TAFA1: variants seen among roughly 807,000 people sequenced by gnomAD.
TAFA1 encodes chemokine-like protein TAFA-1.
In TAFA1, 4 loss-of-function variants were observed where a neutral mutation model predicts 18.5. The observed-to-expected ratio is 0.22, with a 90% CI of 0.11 to 0.49. The LOEUF is 0.49. Among genes scored for constraint, TAFA1 ranks in the 20% least tolerant of loss-of-function variants. The pLI, the probability that TAFA1 is intolerant of heterozygous loss-of-function variation, is 0.98. For synonymous variants in TAFA1, 56 were observed against 55.2 expected, an observed-to-expected ratio of 1.01 and a Z score of -0.06; for missense variants, 147 against 169.0, an observed-to-expected ratio of 0.87 and a Z score of 0.72.
the TAFA1 span, among the ~76,000 whole-genome samples, chr3:67,998,093 T>A: frequency 0.84 from 128,316 of 152,034 alleles, 54,739 homozygotes; most frequent in East Asian, 0.96. Context: ...ACAATTTTTT[T>A]AAAAAAACAA....
chr3:68,438,613 C>T (rs1046212035), intron 3 of TAFA1, among the ~76,000 whole-genome samples: 2 of 152,080 alleles, frequency 1.3e-5, no homozygotes, highest in African/African-American at 2.4e-5. Flanking sequence ...ACCTTCAACG[C>T]ACCTTTCCAC....
chr3:68,236,344 A>G (rs1402399767), intron 2 of TAFA1, among the ~76,000 whole-genome samples: 3 of 152,224 alleles, frequency 2.0e-5, no homozygotes, highest in African/African-American at 7.2e-5. Context: ...TTTAAAAAAT[A>G]TATTTCCACA....
intron 2 of TAFA1, among the ~76,000 whole-genome samples, chr3:68,193,659 C>G (rs2066375964): frequency 6.6e-6 from 1 of 151,534 alleles, no homozygotes. Flanking sequence ...AATTATTATG[C>G]AAATCAATAG....
intron 2 of TAFA1, among the ~76,000 whole-genome samples, chr3:68,335,560 G>T (rs2068955744): frequency 6.6e-6 from 1 of 152,070 alleles, no homozygotes. Context: ...CCATTCCAAT[G>T]GTTTATGGAA....
rs184048567 is a variant in TAFA1 at position 68,152,740 on chromosome 3, A to G, written c.118+145996A>G. On this transcript the variant is annotated intron_variant, in intron 2 of 4. Coordinates refer to ENST00000478136, the MANE Select transcript of TAFA1 (RefSeq NM_213609.4). Reference sequence around the variant, plus strand: ...AAGTAGCACTTCCAAAGTGGTGATGAGGTGGCCCCCACCATCTCCAGGCTT... The same window carrying G: ...AAGTAGCACTTCCAAAGTGGTGATGGGGTGGCCCCCACCATCTCCAGGCTT... Among the ~76,000 whole-genome samples the G allele has an allele frequency of 5.0e-3, 764 of 152,218 alleles. 3 individuals carry two copies. Among genetic ancestry groups the G allele is most frequent in the Non-Finnish European group, 7.7e-3 (524 of 68,012 alleles).
chr3:68,290,528 T>C (rs1239912388), intron 2 of TAFA1, among the ~76,000 whole-genome samples: 1 of 152,148 alleles, frequency 6.6e-6, no homozygotes, highest in Non-Finnish European at 1.5e-5. Flanking sequence ...TGAACCTTTG[T>C]TGACTGAAGC....
At chr3:68,097,308 CA>C (rs1239989604) in intron 2 of TAFA1, among the ~76,000 whole-genome samples, 1 of 152,100 alleles carries the variant, frequency 6.6e-6, no homozygotes, top group Non-Finnish European at 1.5e-5. Flanking sequence ...GAACACCTTT[CA>C]GCTTCAAGGC....
intron 2 of TAFA1, among the ~76,000 whole-genome samples, chr3:68,042,187 C>G (rs1370482496): frequency 6.6e-6 from 1 of 152,098 alleles, no homozygotes; most frequent in Non-Finnish European, 1.5e-5. Context: ...CTGCCTTGAG[C>G]CTGTAGGGTA....
At chr3:68,035,956 A>T (rs1432305203) in intron 2 of TAFA1, among the ~76,000 whole-genome samples, 1 of 152,190 alleles carries the variant, frequency 6.6e-6, no homozygotes, top group African/African-American at 2.4e-5. Flanking sequence ...CATTCTGGAA[A>T]AGGCAAAAAA....
intron 2 of TAFA1, among the ~76,000 whole-genome samples, chr3:68,163,440 T>C (rs1001965781): frequency 6.6e-6 from 1 of 152,232 alleles, no homozygotes; most frequent in Non-Finnish European, 1.5e-5. Flanking sequence ...GATGCTGCAC[T>C]TTGAATGTGT....
At chr3:68,125,159 C>T (rs1273592241) in intron 2 of TAFA1, among the ~76,000 whole-genome samples, 2 of 152,180 alleles carry the variant, frequency 1.3e-5, no homozygotes, top group Non-Finnish European at 2.9e-5. Context: ...GAATCTTTAT[C>T]CTGCATCCCA....
At position 68,211,359 on chromosome 3, in the gene TAFA1, T is replaced by A. The variant is rs538695365; in HGVS notation, c.118+204615T>A. Among the ~76,000 whole-genome samples, 3 of 152,152 alleles carry A rather than the reference T, an allele frequency of 2.0e-5. No homozygotes were observed. The East Asian group carries it at 5.8e-4, about 30-fold the overall frequency. On this transcript the variant is annotated intron_variant, in intron 2 of 4. Transcript: ENST00000478136. ...CAACTATTAAATCATTTTCCTGGTGTGAAGGATATATTTAAGAGAGAAGAT... is the reference window on the plus strand; with the variant it reads ...CAACTATTAAATCATTTTCCTGGTGAGAAGGATATATTTAAGAGAGAAGAT...
At chr3:68,284,162 T>C (rs1043243948) in intron 2 of TAFA1, among the ~76,000 whole-genome samples, 1 of 152,174 alleles carries the variant, frequency 6.6e-6, no homozygotes. Context: ...CTACTATCCT[T>C]AATTGAACTT....
At chr3:68,008,668 A>G (rs1000554745) in intron 2 of TAFA1, among the ~76,000 whole-genome samples, 1 of 152,154 alleles carries the variant, frequency 6.6e-6, no homozygotes, top group African/African-American at 2.4e-5. Context: ...GACCATGCCA[A>G]ATAGCTTCTT....
At chr3:68,420,883 T>C (rs2070943788) in intron 3 of TAFA1, among the ~76,000 whole-genome samples, 1 of 152,174 alleles carries the variant, frequency 6.6e-6, no homozygotes, top group East Asian at 1.9e-4. Flanking sequence ...GGCAGTTAGA[T>C]GAGTAAAGCT....
At chr3:68,151,538 G>T (rs1022931632) in intron 2 of TAFA1, among the ~76,000 whole-genome samples, 7 of 152,088 alleles carry the variant, frequency 4.6e-5, no homozygotes, top group African/African-American at 1.7e-4. Context: ...AGGCAAGGGA[G>T]GGCCTTTGTG....
At chr3:68,481,896 T>C (rs1470104788) in intron 3 of TAFA1, among the ~76,000 whole-genome samples, 1 of 152,198 alleles carries the variant, frequency 6.6e-6, no homozygotes, top group Non-Finnish European at 1.5e-5. Flanking sequence ...ACAGTAATGG[T>C]CTTCTAGTTG....
intron 2 of TAFA1, among the ~76,000 whole-genome samples, chr3:68,261,865 A>G (rs1367889020): frequency 1.3e-5 from 2 of 152,084 alleles, no homozygotes; most frequent in African/African-American, 4.8e-5. Flanking sequence ...ACGTATACAT[A>G]TGTAACAAAC....
At chr3:68,436,366 G>A (rs1037527963) in intron 3 of TAFA1, among the ~76,000 whole-genome samples, 8 of 152,050 alleles carry the variant, frequency 5.3e-5, no homozygotes, top group South Asian at 2.1e-4. Context: ...TAAGTACCTG[G>A]CATATAAGTG....
Sources: allele counts gnomAD v4.1 joint callset (sites outside exome capture counted in the v4.1 genomes callset), GRCh38; gene constraint gnomAD v4.1.1; transcripts MANE v1.5; gene names NCBI Gene and HGNC (gene_info 2026-07-23, HGNC 2026-07-21).